Variants in PRRC1 observed in about 807,000 individuals in gnomAD.
The protein encoded by PRRC1 is protein PRRC1.
In PRRC1, 39 loss-of-function variants were observed where a neutral mutation model predicts 40.7. That is an observed-to-expected ratio of 0.96 (90% CI 0.74 to 1.25). The LOEUF is 1.25. PRRC1 is among the 50% of genes most tolerant of loss of function. The pLI is 0.00. For missense variants in PRRC1, 573 were observed against 548.3 expected (o/e 1.05, Z -0.45); for synonymous variants, 175 against 193.3 (o/e 0.91, Z 0.79).
At chr5:127,518,938 T>A (rs1561676838) in intron 1 of PRRC1, among the ~76,000 whole-genome samples, 1 of 152,222 alleles carries the variant, frequency 6.6e-6, no homozygotes, top group Non-Finnish European at 1.5e-5. Flanking sequence ...ATAATAGGTT[T>A]TTTTAGTAGA....
intron 6 of PRRC1, 113 bp from the exon 7 acceptor site, chr5:127,538,927 A>G (rs1200088385): frequency 1.9e-5 from 12 of 620,016 alleles, no homozygotes; most frequent in Non-Finnish European, 3.2e-5. Context: ...GTTTACAGTG[A>G]GTATATATAT....
intron 7 of PRRC1, among the ~76,000 whole-genome samples, chr5:127,545,429 C>G (rs1768189763): frequency 6.6e-6 from 1 of 152,036 alleles, no homozygotes; most frequent in Non-Finnish European, 1.5e-5. Flanking sequence ...AAATGTGGTA[C>G]ATATACACCA....
intron 3 of PRRC1, among the ~76,000 whole-genome samples, chr5:127,525,770 A>G (rs1481221693): frequency 1.3e-5 from 2 of 152,212 alleles, no homozygotes; most frequent in African/African-American, 2.4e-5. Flanking sequence ...GTGATATACA[A>G]CTCAGTAGAT....
At chr5:127,540,384 G>A (rs952098756) in intron 7 of PRRC1, among the ~76,000 whole-genome samples, 15 of 152,020 alleles carry the variant, frequency 9.9e-5, no homozygotes, top group African/African-American at 2.4e-4. Context: ...TCATTGTTAA[G>A]TATTTTAATT....
rs1181363372 is a variant in PRRC1, at chr5:127,552,468, G to A, written c.*552G>A. ...TCTGTGCATGTTTTCAGTAATATGGGCCAAAATAATGGAATTGATTATTTT... is the reference window on the plus strand; with the variant it reads ...TCTGTGCATGTTTTCAGTAATATGGACCAAAATAATGGAATTGATTATTTT... On this transcript the variant is annotated 3_prime_UTR_variant, in exon 9 of 9. Transcript: ENST00000296666. 2.0e-6 allele frequency: 2 copies of A among 986,536 alleles called. No homozygotes were observed. Among genetic ancestry groups the A allele is most frequent in the Non-Finnish European group, 2.4e-6 (2 of 830,524 alleles). 61.1% of individuals were successfully genotyped at this position (986,536 alleles called of 1,614,324 possible). A position where few individuals can be genotyped will look rare whatever the true frequency, so the allele number is the denominator to read the frequency against.
intron 4 of PRRC1, among the ~76,000 whole-genome samples, chr5:127,528,563 C>T (rs972722610): frequency 6.6e-4 from 101 of 152,006 alleles, no homozygotes; most frequent in African/African-American, 2.3e-3. Context: ...GCGATCTGCC[C>T]GCCTCGCCTC....
Position 127,554,779 on chromosome 5 carries a change from ACATC to A in PRRC1, c.*2867_*2870del, listed in dbSNP as rs1172095588. The A allele has an allele frequency of 6.6e-6, 1 of 152,670 alleles. No individual in the cohort carries two copies. The highest frequency in any genetic ancestry group is 1.5e-5 in the Non-Finnish European group (1 of 68,038). The allele number at this position is 152,670 out of a possible 1,614,324, so 9.5% of individuals were successfully genotyped here. On this transcript the variant is annotated 3_prime_UTR_variant, in exon 9 of 9. Transcript: ENST00000296666. The stretch of plus-strand genomic sequence containing the variant: ...AAGTGCAGATGAAAGTGTGTTATAT[ACATC>A]CATTCAAAATTATGCAAGTTAGTAA...
chr5:127,553,828 G>GT lies in PRRC1; in HGVS notation c.*1913dup. On this transcript the variant is annotated 3_prime_UTR_variant, in exon 9 of 9. Coordinates refer to ENST00000296666, the MANE Select transcript of PRRC1 (RefSeq NM_130809.5). ...ATTTTCCTAGAATCCCCAAAGAGCA[G>GT]TGGCAGTCCATGGCTTGGTTGAAGC... is the stretch of plus-strand genomic sequence containing the variant. The GT allele has an allele frequency of 6.5e-7, 1 of 1,535,794 alleles. No individual in the cohort carries two copies. Among genetic ancestry groups the GT allele is most frequent in the Non-Finnish European group, 8.7e-7 (1 of 1,146,668 alleles).
chr5:127,553,472 A>T lies in PRRC1; in HGVS notation c.*1556A>T. On this transcript the variant is annotated 3_prime_UTR_variant, in exon 9 of 9. Transcript: ENST00000296666. ...GTACTTTTGTCCAGGAGTAACAGGG[A>T]CAGAATACTTTCTTTCTTTCCTTCA... The T allele has an allele frequency of 1.8e-6, 2 of 1,134,712 alleles. No individual in the cohort carries two copies. The highest frequency in any genetic ancestry group is 2.2e-6 in the Non-Finnish European group (2 of 920,534). The allele number at this position is 1,134,712 out of a possible 1,614,324, so 70.3% of individuals were successfully genotyped here.
chr5:127,533,348 T>TA (rs1203228448), intron 5 of PRRC1, among the ~76,000 whole-genome samples: 6 of 152,200 alleles, frequency 3.9e-5, no homozygotes, highest in African/African-American at 1.4e-4. Flanking sequence ...ATATGTAACT[T>TA]ACACTTCACA....
At chr5:127,519,391 T>C (rs1020015398) in intron 1 of PRRC1, among the ~76,000 whole-genome samples, 6 of 152,208 alleles carry the variant, frequency 3.9e-5, no homozygotes, top group African/African-American at 7.2e-5. Context: ...CGTGTTAGTC[T>C]CACCTGCCAC....
In PRRC1 at chr5:127,524,551, T is replaced by G; in HGVS notation, c.124T>G (p.Ser42Ala). 6.2e-7 allele frequency: 1 copy of G among 1,601,430 alleles called. No individual in the cohort carries two copies. The highest frequency in any genetic ancestry group is 8.5e-7 in the Non-Finnish European group (1 of 1,172,512). ...TCTAGCGGCAACCAGTTCTTTTTCTTCTCCAAATGTATCCTCCATGGAGTC... is the reference window on the plus strand; with the variant it reads ...TCTAGCGGCAACCAGTTCTTTTTCTGCTCCAAATGTATCCTCCATGGAGTC... ...VPLAATSSFS[S>A]PNVSSMESFP... is the part of the protein sequence containing the mutation. Residue 42 changes from serine to alanine, a missense_variant, in exon 3 of 9, where the codon TCT becomes GCT. Transcript: ENST00000296666.
chr5:127,529,404 A>C (rs1767706334), intron 4 of PRRC1, among the ~76,000 whole-genome samples: 1 of 152,034 alleles, frequency 6.6e-6, no homozygotes, highest in South Asian at 2.1e-4. Context: ...CCTCGTTAAG[A>C]GCATGTGTCA....
At chr5:127,527,466 G>C (rs779134346) in intron 4 of PRRC1, among the ~76,000 whole-genome samples, 46 of 152,046 alleles carry the variant, frequency 3.0e-4, no homozygotes, top group Non-Finnish European at 5.1e-4. Flanking sequence ...TCATCATCAT[G>C]ATTAGGTCTG....
chr5:127,518,992 T>G (rs1378226574), intron 1 of PRRC1, among the ~76,000 whole-genome samples: 1 of 152,208 alleles, frequency 6.6e-6, no homozygotes, highest in African/African-American at 2.4e-5. Flanking sequence ...AGTATTGCCA[T>G]TACGGCAGTT....
rs60179366 is a variant in PRRC1 at position 127,531,617 on chromosome 5, C to CTTTTTTTTTTTTTT, written c.757+1231_757+1244dup. Among the ~76,000 whole-genome samples the CTTTTTTTTTTTTTT allele has an allele frequency of 8.0e-4, 80 of 99,636 alleles. 9 individuals are homozygous for CTTTTTTTTTTTTTT. Among genetic ancestry groups the CTTTTTTTTTTTTTT allele is most frequent in the African/African-American group, 3.5e-3 (76 of 21,552 alleles). The allele number at this position is 99,636 out of a possible 152,430, so 65.4% of individuals were successfully genotyped here. On this transcript the variant is annotated intron_variant, in intron 5 of 8. Transcript: ENST00000296666. Reference sequence around the variant, plus strand: ...GCCAGGTGTTTTTATTCTTCTTCTTCTTTTTTTTTTTTTTTTTTTTTTTGA... The same window carrying CTTTTTTTTTTTTTT: ...GCCAGGTGTTTTTATTCTTCTTCTTCTTTTTTTTTTTTTTTTTTTTTTTTTTTTTTTTTTTTTGA...
At position 127,524,535 on chromosome 5, in the gene PRRC1, A is replaced by G. The variant is rs756628063; in HGVS notation, c.108A>G (p.Ala36=). Residue 36 remains alanine (A), a synonymous_variant, in exon 3 of 9, where the codon GCA becomes GCG. Transcript: ENST00000296666. ...ATCCTCTCCACTTTTTTCTAGCGGC[A>G]ACCAGTTCTTTTTCTTCTCCAAATG... is the stretch of plus-strand genomic sequence containing the variant. ...AMSSTPVPLA[A]TSSFSSPNVS... 1.3e-6 allele frequency: 2 copies of G among 1,591,150 alleles called. No individual in the cohort carries two copies.
At position 127,552,735 on chromosome 5, in the gene PRRC1, G is replaced by A. The variant is rs1016837558; in HGVS notation, c.*819G>A. ...AGAATAAGCTCTGACAACAGCCATT[G>A]TTTCTGCTTCCACTCATATTCTCTA... On this transcript the variant is annotated 3_prime_UTR_variant, in exon 9 of 9. Transcript: ENST00000296666. 63 of 984,196 alleles carry A rather than the reference G, an allele frequency of 6.4e-5. No homozygotes were observed. The African/African-American group carries it at 7.2e-4, about 11-fold the overall frequency. 61.0% of individuals were successfully genotyped at this position (984,196 alleles called of 1,614,324 possible). A position where few individuals can be genotyped will look rare whatever the true frequency, so the allele number is the denominator to read the frequency against.
chr5:127,553,487 T>C lies in PRRC1; in HGVS notation c.*1571T>C. 1 of 1,140,574 alleles carries C rather than the reference T, an allele frequency of 8.8e-7. No individual in the cohort carries two copies. Among genetic ancestry groups the C allele is most frequent in the Non-Finnish European group, 1.1e-6 (1 of 924,062 alleles). 70.7% of individuals were successfully genotyped at this position (1,140,574 alleles called of 1,614,324 possible). A position where few individuals can be genotyped will look rare whatever the true frequency, so the allele number is the denominator to read the frequency against. On this transcript the variant is annotated 3_prime_UTR_variant, in exon 9 of 9. Transcript: ENST00000296666. The stretch of plus-strand genomic sequence containing the variant: ...AGTAACAGGGACAGAATACTTTCTT[T>C]CTTTCCTTCAAGTACAAGAAGGCTT...
Sources: allele counts gnomAD v4.1 joint callset (sites outside exome capture counted in the v4.1 genomes callset), GRCh38; gene constraint gnomAD v4.1.1; transcripts MANE v1.5; gene names NCBI Gene and HGNC (gene_info 2026-07-23, HGNC 2026-07-21).